Variants in SPATA17 observed in about 807,000 individuals in gnomAD.
The protein encoded by SPATA17 is spermatogenesis-associated protein 17.
A neutral mutation model predicts 62.2 loss-of-function variants in SPATA17; 53 were observed. The ratio of observed to expected loss-of-function variants is 0.85; its 90% confidence interval spans 0.68 to 1.07. SPATA17 has a LOEUF of 1.07. Ranked by LOEUF, SPATA17 falls within the 50% of genes least tolerant of loss-of-function variation. The pLI is 0.00. For missense variants in SPATA17, 466 were observed against 425.5 expected (o/e 1.10, Z -0.84); for synonymous variants, 146 against 146.8 (o/e 0.99, Z 0.04).
chr1:217,637,764 T>C (rs531126551), intron 1 of SPATA17, among the ~76,000 whole-genome samples: 1 of 152,296 alleles, frequency 6.6e-6, no homozygotes, highest in Admixed American at 6.5e-5. Flanking sequence ...CTGAATTTTT[T>C]CTTACAGGTG....
intron 8 of SPATA17, 32 bp downstream of exon 8, chr1:217,782,354 A>G (rs1476774752): frequency 1.9e-6 from 3 of 1,556,864 alleles, no homozygotes; most frequent in South Asian, 1.2e-5. Context: ...AATAGCTGTG[A>G]CATATTTGGT....
chr1:217,690,473 A>ATTTTTTTTTTTTTTTTTATTTTTT (rs60737502), intron 5 of SPATA17, among the ~76,000 whole-genome samples: 1 of 79,532 alleles, frequency 1.3e-5, no homozygotes, highest in East Asian at 2.3e-4. Context: ...TTTATTTTTT[A>ATTTTTTTTTTTTTTTTTATTTTTT]TTTTTTTTTT....
At chr1:217,696,455 G>C (rs1342996317) in intron 5 of SPATA17, among the ~76,000 whole-genome samples, 1 of 152,200 alleles carries the variant, frequency 6.6e-6, no homozygotes, top group East Asian at 1.9e-4. Flanking sequence ...CCCGTCTTCT[G>C]CGTCGCTCCG....
chr1:217,693,611 TTTCTCTTG>T, intron 5 of SPATA17, among the ~76,000 whole-genome samples: 1 of 99,008 alleles, frequency 1.0e-5, no homozygotes, highest in Non-Finnish European at 2.0e-5. Flanking sequence ...TCTTTCCTGC[TTTCTCTTG>T]TGGGCATTTA....
chr1:217,640,145 G>T (rs1670027175), intron 1 of SPATA17, among the ~76,000 whole-genome samples: 1 of 151,168 alleles, frequency 6.6e-6, no homozygotes. Flanking sequence ...GTGTTTATGT[G>T]CATGTATTGT....
intron 3 of SPATA17, among the ~76,000 whole-genome samples, chr1:217,652,784 T>C (rs1440080671): frequency 6.6e-6 from 1 of 152,206 alleles, no homozygotes; most frequent in Non-Finnish European, 1.5e-5. Flanking sequence ...CATTGAACTG[T>C]AGAAAGAGGA....
chr1:217,648,041 A>T (rs78058464), intron 1 of SPATA17, among the ~76,000 whole-genome samples: 1 of 152,064 alleles, frequency 6.6e-6, no homozygotes, highest in East Asian at 1.9e-4. Context: ...CCTCTTTTGT[A>T]GTTTGTTACA....
intron 3 of SPATA17, among the ~76,000 whole-genome samples, chr1:217,662,392 A>G (rs1433834485): frequency 1.3e-5 from 2 of 152,176 alleles, no homozygotes; most frequent in Non-Finnish European, 2.9e-5. Flanking sequence ...ACTCAATTTA[A>G]TTAAATTTTT....
chr1:217,648,974 A>G lies in SPATA17; in HGVS notation c.158+3A>G, dbSNP rs200843925. 5.8e-4 allele frequency: 931 copies of G among 1,596,494 alleles called. 4 individuals carry two copies. The African/African-American group carries it at 9.3e-3, about 16-fold the overall frequency. The stretch of plus-strand genomic sequence containing the variant: ...TGTCAAGTTCGGGCATATATCAGGT[A>G]TATTGCTTTTGTCATGGAAACCTCA... On this transcript the variant is annotated splice_donor_region_variant and intron_variant, in intron 2 of 10. Coordinates refer to ENST00000366933, the MANE Select transcript of SPATA17 (RefSeq NM_138796.4).
chr1:217,850,728 C>A, intron 9 of SPATA17: 1 of 904,390 alleles, frequency 1.1e-6, no homozygotes, highest in South Asian at 1.7e-5. Flanking sequence ...AGCCATTCAC[C>A]CCTCCAGAAT....
intron 9 of SPATA17, among the ~76,000 whole-genome samples, chr1:217,809,632 A>G (rs1050503159): frequency 3.2e-4 from 49 of 152,154 alleles, no homozygotes; most frequent in African/African-American, 1.1e-3. Flanking sequence ...ATCTAATCTA[A>G]TCAGAGAACT....
chr1:217,715,551 A>T (rs1376863760), intron 5 of SPATA17, among the ~76,000 whole-genome samples: 1 of 152,026 alleles, frequency 6.6e-6, no homozygotes, highest in Non-Finnish European at 1.5e-5. Context: ...TTATGAGAAA[A>T]ATCTCCAGTG....
At chr1:217,654,815 C>T (rs1223208320) in intron 3 of SPATA17, among the ~76,000 whole-genome samples, 4 of 150,900 alleles carry the variant, frequency 2.7e-5, no homozygotes, top group Admixed American at 6.6e-5. Flanking sequence ...CGGGTTCAAG[C>T]GATTCTCCTG....
chr1:217,851,985 T>C (rs886350041), intron 9 of SPATA17, among the ~76,000 whole-genome samples: 2 of 152,142 alleles, frequency 1.3e-5, no homozygotes, highest in African/African-American at 4.8e-5. Context: ...ACAAGACATG[T>C]TATGCAACGG....
At chr1:217,749,630 T>C (rs10863340) in intron 6 of SPATA17, among the ~76,000 whole-genome samples, 37,307 of 151,914 alleles carry the variant, frequency 0.25, 4,980 homozygotes, top group East Asian at 0.55. Flanking sequence ...GTTTATTTCC[T>C]GAACCCTGAG....
At chr1:217,777,819 A>T (rs1439921265) in intron 7 of SPATA17, among the ~76,000 whole-genome samples, 2 of 152,038 alleles carry the variant, frequency 1.3e-5, no homozygotes, top group Admixed American at 6.6e-5. Flanking sequence ...GACAAAAGAG[A>T]GATAGTAGGA....
chr1:217,704,078 C>G (rs1671668252), intron 5 of SPATA17, among the ~76,000 whole-genome samples: 1 of 130,402 alleles, frequency 7.7e-6, no homozygotes, highest in Non-Finnish European at 1.7e-5. Flanking sequence ...ATTTTTAAAA[C>G]TCTTTTAGGT....
intron 5 of SPATA17, among the ~76,000 whole-genome samples, chr1:217,684,305 C>T (rs1444679439): frequency 6.6e-6 from 1 of 152,026 alleles, no homozygotes; most frequent in African/African-American, 2.4e-5. Flanking sequence ...TGACCATATG[C>T]ATATAGTACA....
chr1:217,635,936 C>G (rs1315667521), intron 1 of SPATA17, among the ~76,000 whole-genome samples: 2 of 151,824 alleles, frequency 1.3e-5, no homozygotes, highest in Non-Finnish European at 2.9e-5. Context: ...AATTCGAGAC[C>G]AGCCTGGCCA....
Sources: gnomAD v4.1 joint callset for allele counts (sites outside exome capture counted in the v4.1 genomes callset) on GRCh38, gnomAD v4.1.1 for gene constraint, MANE v1.5 for transcripts, NCBI Gene and HGNC (gene_info 2026-07-23, HGNC 2026-07-21) for gene names.